Variants in CDHR3 observed in about 807,000 individuals in gnomAD.
The protein encoded by CDHR3 is cadherin related family member 3.
Under a neutral mutation model 86.6 loss-of-function variants are expected in CDHR3, and 79 were observed. The ratio of observed to expected loss-of-function variants is 0.91; its 90% CI spans 0.76 to 1.10. The LOEUF (loss-of-function observed/expected upper bound fraction) is 1.10, where lower values mean the gene tolerates loss of function less well. CDHR3 is among the 50% of genes least tolerant of loss of function. The pLI is 0.00. For missense variants in CDHR3, 1,081 were observed against 1,077.6 expected (o/e 1.00, Z -0.04); for synonymous variants, 421 against 402.4 (o/e 1.05, Z -0.55).
Position 106,018,081 on chromosome 7 carries a change from T to C in CDHR3, c.1653+9T>C, listed in dbSNP as rs780765039. ...ACACAAGCTCTGTCACTGTGAGTGG[T>C]GCTGCTTGGTATAGTGCCGGTAACC... On this transcript the variant is annotated intron_variant, in intron 12 of 18. Transcript: ENST00000317716. The C allele has an allele frequency of 4.3e-6, 7 of 1,610,732 alleles. No individual in the cohort carries two copies. In the African/African-American group the frequency reaches 9.4e-5, roughly 22 times the overall value.
In CDHR3 at chr7:105,996,354, G is replaced by A; in HGVS notation, c.713G>A (p.Ser238Asn). 3.2e-6 allele frequency: 5 copies of A among 1,583,932 alleles called. No homozygotes were observed. The highest frequency in any genetic ancestry group is 4.3e-6 in the Non-Finnish European group (5 of 1,157,136). ...NLNDEVPRFT[S>N]PTRVYTVLEE... ...AACGACGAAGTCCCTCGCTTTACCA[G>A]GTAGGCCTGAGGGCATGCAGGACTC... The change falls in exon 6 of 19, where the codon AGC becomes AAC. Residue 238 changes from serine to asparagine, a missense_variant and splice_region_variant. Physicochemically the swap from Ser to Asn is conservative, Grantham distance 46. Coordinates refer to ENST00000317716, the MANE Select transcript of CDHR3 (RefSeq NM_152750.5).
chr7:106,001,317 C>T, intron 6 of CDHR3, 145 bp from the exon 7 acceptor site: 4 of 773,566 alleles, frequency 5.2e-6, no homozygotes, highest in Non-Finnish European at 8.2e-6. Context: ...CCCCTCCTTT[C>T]CACTGCTGTG....
chr7:106,027,580 G>A (rs1388724883), intron 16 of CDHR3: 2 of 427,600 alleles, frequency 4.7e-6, no homozygotes, highest in Non-Finnish European at 9.3e-6. Flanking sequence ...CTCCAGGTCT[G>A]AGGAGGTGTC....
At chr7:105,991,655 A>G (rs1293157959) in intron 4 of CDHR3, among the ~76,000 whole-genome samples, 1 of 152,188 alleles carries the variant, frequency 6.6e-6, no homozygotes, top group African/African-American at 2.4e-5. Flanking sequence ...TTGTTTTAAG[A>G]TTCTCTAAGG....
intron 6 of CDHR3, among the ~76,000 whole-genome samples, chr7:105,999,785 T>C (rs74439722): frequency 0.028 from 4,241 of 151,798 alleles, 80 homozygotes; most frequent in African/African-American, 0.053. Context: ...AAGCCAGTCC[T>C]GGTTCAGAGG....
chr7:106,020,259 T>A (rs990500053), intron 12 of CDHR3, 114 bp from the exon 13 acceptor site: 20 of 842,410 alleles, frequency 2.4e-5, no homozygotes, highest in Non-Finnish European at 2.9e-5. Flanking sequence ...AGCTATCTCA[T>A]GTGAGTTTAA....
Position 105,963,352 on chromosome 7 carries a change from G to A in CDHR3, c.34G>A (p.Gly12Ser). 1 of 1,614,014 alleles carries A rather than the reference G, an allele frequency of 6.2e-7. No individual in the cohort carries two copies. Among genetic ancestry groups the A allele is most frequent in the Non-Finnish European group, 8.5e-7 (1 of 1,179,866 alleles). Residue 12 changes from glycine to serine, a missense_variant, in exon 1 of 19, where the codon GGT (glycine) becomes AGT (serine). Gly to Ser is a moderately conservative substitution (Grantham distance 56, BLOSUM62 0). Coordinates refer to ENST00000317716, the MANE Select transcript of CDHR3 (RefSeq NM_152750.5). ...AGCAATCATTCTCCTGGCTCTCCTG[G>A]GTGCCATGTCAGGTAGGAACTCAAT... ...QEAIILLALL[G>S]AMSGGEALHL...
intron 7 of CDHR3, among the ~76,000 whole-genome samples, chr7:106,002,450 ATCTCTGTCTT>A (rs199909204): frequency 0.03 from 4,529 of 152,292 alleles, 151 homozygotes; most frequent in South Asian, 0.17. Context: ...TCTTCCTGGC[ATCTCTGTCTT>A]CCAGAATAGG....
At chr7:106,018,940 C>T (rs73195666) in intron 12 of CDHR3, among the ~76,000 whole-genome samples, 6,172 of 152,172 alleles carry the variant, frequency 0.041, 170 homozygotes, top group South Asian at 0.13. Context: ...AGTGGGGCGG[C>T]GCTGCTGGTC....
intron 2 of CDHR3, among the ~76,000 whole-genome samples, chr7:105,980,057 T>G (rs1467110624): frequency 6.6e-6 from 1 of 152,146 alleles, no homozygotes; most frequent in Non-Finnish European, 1.5e-5. Context: ...ATACTGATAG[T>G]GCAGACAACA....
At chr7:106,017,358 A>C (rs2115862076) in intron 11 of CDHR3, among the ~76,000 whole-genome samples, 1 of 152,232 alleles carries the variant, frequency 6.6e-6, no homozygotes, top group African/African-American at 2.4e-5. Flanking sequence ...GGAGATCGAA[A>C]CCAGCCTGGC....
At chr7:106,008,800 G>A (rs975398923) in intron 8 of CDHR3, among the ~76,000 whole-genome samples, 3 of 152,060 alleles carry the variant, frequency 2.0e-5, no homozygotes, top group Admixed American at 1.3e-4. Flanking sequence ...GTACATCCTG[G>A]GAAGCTCCTG....
chr7:106,005,487 G>A (rs544350324), intron 8 of CDHR3, among the ~76,000 whole-genome samples: 150 of 152,308 alleles, frequency 9.8e-4, no homozygotes, highest in African/African-American at 3.6e-3. Flanking sequence ...GGGCTCTTTG[G>A]GAGGAATTGG....
At chr7:106,021,508 G>A (rs143779846) in intron 13 of CDHR3, among the ~76,000 whole-genome samples, 45 of 152,356 alleles carry the variant, frequency 3.0e-4, no homozygotes, top group African/African-American at 1.1e-3. Flanking sequence ...GTGTTCAGTC[G>A]GTAATGAGTC....
At chr7:105,966,991 C>T (rs972770719) in intron 1 of CDHR3, among the ~76,000 whole-genome samples, 2 of 151,490 alleles carry the variant, frequency 1.3e-5, no homozygotes, top group Non-Finnish European at 2.9e-5. Context: ...TCCTAGGGTA[C>T]AGGTGCACAA....
chr7:106,034,015 C>A lies in CDHR3; in HGVS notation c.*1318C>A, dbSNP rs149470063. 3.3e-5 allele frequency among the ~76,000 whole-genome samples: 5 copies of A among 152,298 alleles called. No individual in the cohort carries two copies. The highest frequency in any genetic ancestry group is 9.6e-5 in the African/African-American group (4 of 41,566). On this transcript the variant is annotated 3_prime_UTR_variant, in exon 19 of 19. Transcript: ENST00000317716. ...GTTAAAATTACTATTGAAGTGAAATCACTTTTTCCTCAAAGCTGAAACACC... is the reference window on the plus strand; with the variant it reads ...GTTAAAATTACTATTGAAGTGAAATAACTTTTTCCTCAAAGCTGAAACACC...
At chr7:106,028,473 AT>A in intron 16 of CDHR3, 77 bp from the exon 17 acceptor site, 2 of 1,495,500 alleles carry the variant, frequency 1.3e-6, no homozygotes, top group Non-Finnish European at 1.9e-6. Flanking sequence ...TTTAGGGGAA[AT>A]ACCGTTGTGG....
chr7:105,976,515 T>C (rs1198562280), intron 2 of CDHR3, among the ~76,000 whole-genome samples: 1 of 152,216 alleles, frequency 6.6e-6, no homozygotes, highest in Non-Finnish European at 1.5e-5. Context: ...TAGTTTTTAG[T>C]ATATTCACAG....
At chr7:105,991,320 T>C (rs2115732237) in intron 4 of CDHR3, among the ~76,000 whole-genome samples, 1 of 152,048 alleles carries the variant, frequency 6.6e-6, no homozygotes, top group South Asian at 2.1e-4. Flanking sequence ...CCTCTCTAAG[T>C]ACAAAACTGC....
Sources: gnomAD v4.1 joint callset for allele counts (sites outside exome capture counted in the v4.1 genomes callset) on GRCh38, gnomAD v4.1.1 for gene constraint, MANE v1.5 for transcripts, NCBI Gene and HGNC (gene_info 2026-07-23, HGNC 2026-07-21) for gene names.